The following STRIP2 variants were observed in gnomAD, a reference collection of about 807,000 sequenced individuals.
STRIP2 encodes striatin-interacting protein 2.
STRIP2 carries 84 observed loss-of-function variants against 107.1 expected under a neutral mutation model. That is an observed-to-expected ratio of 0.78 (90% CI 0.66 to 0.94). STRIP2 has a LOEUF of 0.94. Among genes scored for constraint, STRIP2 ranks in the 40% least tolerant of loss-of-function variants. The probability of loss-of-function intolerance (pLI) is 0.00; values close to 1 mark genes in which losing one functional copy is unlikely to be tolerated. For synonymous variants in STRIP2, 394 were observed against 400.4 expected (o/e 0.98, Z 0.19); for missense variants, 888 against 1,034.2 (o/e 0.86, Z 1.94).
chr7:129,439,639 A>G (rs1321843689), intron 1 of STRIP2, among the ~76,000 whole-genome samples: 1 of 152,204 alleles, frequency 6.6e-6, no homozygotes, highest in Non-Finnish European at 1.5e-5. Context: ...GGTTGATGAC[A>G]GAACTGAAGC....
chr7:129,467,654 T>A (rs1012304762), intron 17 of STRIP2, among the ~76,000 whole-genome samples: 3 of 152,186 alleles, frequency 2.0e-5, no homozygotes, highest in Non-Finnish European at 2.9e-5. Flanking sequence ...TTTTAATAGT[T>A]TTAAACACTG....
chr7:129,443,731 A>G (rs1469318096), intron 2 of STRIP2, among the ~76,000 whole-genome samples: 2 of 152,220 alleles, frequency 1.3e-5, no homozygotes, highest in Non-Finnish European at 2.9e-5. Flanking sequence ...AACAGGAGTG[A>G]TGAGATTAAG....
intron 18 of STRIP2, among the ~76,000 whole-genome samples, chr7:129,471,701 A>G (rs965028781): frequency 1.3e-5 from 2 of 152,268 alleles, no homozygotes; most frequent in African/African-American, 2.4e-5. Context: ...CCCTTATTTC[A>G]AAGATGAGAA....
At position 129,482,957 on chromosome 7, in the gene STRIP2, G is replaced by T. The variant is rs1425789181; in HGVS notation, c.2165G>T (p.Arg722Leu). ...LLKLQTKYLG[R>L]QWRKSNMKTM... ...AAGTTACAGACCAAGTACCTGGGGCGCCAATGGAGGAAAAGCAACATGAAA... is the reference window on the plus strand; with the variant it reads ...AAGTTACAGACCAAGTACCTGGGGCTCCAATGGAGGAAAAGCAACATGAAA... The change falls in exon 20 of 21, where the codon CGC (arginine) becomes CTC (leucine). Residue 722 changes from arginine (R) to leucine (L), a missense_variant. By Grantham distance (102) the Arg-to-Leu change is moderately radical. Coordinates refer to ENST00000249344, the MANE Select transcript of STRIP2 (RefSeq NM_020704.3). 1 of 1,614,126 alleles carries T rather than the reference G, an allele frequency of 6.2e-7. No individual in the cohort carries two copies. Among genetic ancestry groups the T allele is most frequent in the Non-Finnish European group, 8.5e-7 (1 of 1,180,028 alleles).
chr7:129,454,529 T>C lies in STRIP2; in HGVS notation c.706+2T>C, dbSNP rs748050935. The C allele has an allele frequency of 8.5e-5, 136 of 1,597,184 alleles. No individual in the cohort carries two copies. Among genetic ancestry groups the C allele is most frequent in the Non-Finnish European group, 1.1e-4 (124 of 1,164,670 alleles). ...GGGAGACCTTCCGCACTGAATTAAGTAAGAAATGGCACTTGAGGAAGGTGT... is the reference window on the plus strand; with the variant it reads ...GGGAGACCTTCCGCACTGAATTAAGCAAGAAATGGCACTTGAGGAAGGTGT... On this transcript the variant is annotated splice_donor_variant, in intron 7 of 20. Transcript: ENST00000249344. LOFTEE classifies it high-confidence loss of function.
In STRIP2 at chr7:129,455,344, C is replaced by T. The variant is rs1310071788; in HGVS notation, c.807C>T (p.Val269=). The T allele has an allele frequency of 6.2e-7, 1 of 1,613,736 alleles. No homozygotes were observed. Among genetic ancestry groups the T allele is most frequent in the South Asian group, 1.1e-5 (1 of 91,006 alleles). ...GLAPHFPIKK[V]LLLLWKVVMF... is the part of the protein sequence containing the mutation. ...CTCCTCACTTCCCCATAAAGAAGGT[C>T]CTGCTCCTGCTCTGGAAGGTGGTCA... Residue 269 remains valine, a synonymous_variant, in exon 8 of 21, where the codon GTC becomes GTT. Transcript: ENST00000249344.
rs1489868631 is a variant in STRIP2, at chr7:129,485,859, TAG to T, written c.*33_*34del. On this transcript the variant is annotated 3_prime_UTR_variant, in exon 21 of 21. Transcript: ENST00000249344. Reference sequence around the variant, plus strand: ...GTTCTTGTCAACAAGCATCAATAGATAGAGGTCAGCTCCAATAAACTGTGCTC... The same window carrying T: ...GTTCTTGTCAACAAGCATCAATAGATAGGTCAGCTCCAATAAACTGTGCTC... The T allele has an allele frequency of 6.8e-6, 11 of 1,611,518 alleles. No homozygotes were observed. In the Admixed American group the frequency reaches 1.8e-4, roughly 27 times the overall value.
chr7:129,453,165 G>A, intron 4 of STRIP2, 62 bp from the exon 5 acceptor site: 1 of 1,604,274 alleles, frequency 6.2e-7, no homozygotes, highest in Non-Finnish European at 8.5e-7. Flanking sequence ...TCATGGGGCA[G>A]GGTGGAAAGA....
In STRIP2 at chr7:129,470,646, C is replaced by T. The variant is rs758000120; in HGVS notation, c.1878-3C>T. On this transcript the variant is annotated splice_polypyrimidine_tract_variant and splice_region_variant and intron_variant, in intron 17 of 20. Transcript: ENST00000249344. ...AGCCTGTCCTTATCTCTGCATCTTA[C>T]AGCATCTCAGTCCTGGATTATCCTT... is the stretch of plus-strand genomic sequence containing the variant. 2 of 1,613,330 alleles carry T rather than the reference C, an allele frequency of 1.2e-6. No homozygotes were observed. The highest frequency in any genetic ancestry group is 1.7e-5 in the Admixed American group (1 of 60,002).
intron 18 of STRIP2, among the ~76,000 whole-genome samples, chr7:129,479,498 T>C (rs1314143945): frequency 2.7e-5 from 4 of 150,550 alleles, no homozygotes; most frequent in African/African-American, 9.7e-5. Context: ...TTTCTTTTTT[T>C]TTTTTTTTGA....
At position 129,461,296 on chromosome 7, in the gene STRIP2, A is replaced by G. The variant is rs563446540; in HGVS notation, c.1476+924A>G. Reference sequence around the variant, plus strand: ...CTGCAGGCAATTGGAAATAAAGTCTAGAATTCTACAGAGAGGGCTGACTTT... The same window carrying G: ...CTGCAGGCAATTGGAAATAAAGTCTGGAATTCTACAGAGAGGGCTGACTTT... On this transcript the variant is annotated intron_variant, in intron 13 of 20. Transcript: ENST00000249344. The surrounding 1 kb of genome is among the most constrained non-coding windows in gnomAD (Gnocchi z 4.0). Among the ~76,000 whole-genome samples, 3 of 152,366 alleles carry G rather than the reference A, an allele frequency of 2.0e-5. No homozygotes were observed. Among genetic ancestry groups the G allele is most frequent in the African/African-American group, 7.2e-5 (3 of 41,588 alleles).
chr7:129,480,912 TGGA>T (rs1799100924), intron 19 of STRIP2, 23 bp downstream of exon 19: 8 of 1,574,826 alleles, frequency 5.1e-6, no homozygotes, highest in Non-Finnish European at 6.9e-6. Context: ...TTTTACATCA[TGGA>T]GTTGTCCATC....
At chr7:129,466,671 C>A (rs1798677634) in intron 16 of STRIP2, among the ~76,000 whole-genome samples, 1 of 152,148 alleles carries the variant, frequency 6.6e-6, no homozygotes, top group Non-Finnish European at 1.5e-5. Flanking sequence ...TTTGGGAGAG[C>A]AGAATGGAGT....
chr7:129,480,195 T>C (rs1418196321), intron 18 of STRIP2, among the ~76,000 whole-genome samples: 1 of 152,220 alleles, frequency 6.6e-6, no homozygotes, highest in Non-Finnish European at 1.5e-5. Context: ...CCATCTGTTG[T>C]CTCTGGTTAG....
At chr7:129,471,287 C>T (rs1274143507) in intron 18 of STRIP2, among the ~76,000 whole-genome samples, 2 of 152,116 alleles carry the variant, frequency 1.3e-5, no homozygotes, top group Admixed American at 1.3e-4. Flanking sequence ...GACTGAACAA[C>T]AGCCATACTG....
At chr7:129,468,378 AC>A (rs1447848192) in intron 17 of STRIP2, among the ~76,000 whole-genome samples, 3 of 152,184 alleles carry the variant, frequency 2.0e-5, no homozygotes, top group Non-Finnish European at 4.4e-5. Context: ...AAGTCATGAG[AC>A]CTGGATTCGT....
In STRIP2 at chr7:129,483,337, TTTAAA is replaced by T; in HGVS notation, c.2254+297_2254+301del. On this transcript the variant is annotated intron_variant, in intron 20 of 20. Transcript: ENST00000249344. The surrounding 1 kb of genome is among the most constrained non-coding windows in gnomAD (Gnocchi z 5.1). ...TTAAATGACAGCTTTCTCCAAAAGA[TTTAAA>T]TTAAAACAACTTTTTATTATTACAA... The T allele has an allele frequency of 1.4e-5, 16 of 1,123,754 alleles. No homozygotes were observed. Among genetic ancestry groups the T allele is most frequent in the Non-Finnish European group, 1.8e-5 (16 of 906,276 alleles). The allele number at this position is 1,123,754 out of a possible 1,614,324, so 69.6% of individuals were successfully genotyped here.
At chr7:129,472,475 A>G (rs1488648302) in intron 18 of STRIP2, among the ~76,000 whole-genome samples, 1 of 152,204 alleles carries the variant, frequency 6.6e-6, no homozygotes, top group East Asian at 1.9e-4. Flanking sequence ...CCTGAAAAAT[A>G]GTCATGCTAA....
Position 129,483,323 on chromosome 7 carries a change from C to T in STRIP2, c.2254+277C>T, listed in dbSNP as rs1799174219. On this transcript the variant is annotated intron_variant, in intron 20 of 20. Transcript: ENST00000249344. The surrounding 1 kb of genome is among the most constrained non-coding windows in gnomAD (Gnocchi z 5.1). Reference sequence around the variant, plus strand: ...TCCAAAACATTCTTTTAAATGACAGCTTTCTCCAAAAGATTTAAATTAAAA... The same window carrying T: ...TCCAAAACATTCTTTTAAATGACAGTTTTCTCCAAAAGATTTAAATTAAAA... 1.7e-6 allele frequency: 2 copies of T among 1,160,536 alleles called. No individual in the cohort carries two copies. Among genetic ancestry groups the T allele is most frequent in the East Asian group, 7.3e-5 (2 of 27,450 alleles). 71.9% of individuals were successfully genotyped at this position (1,160,536 alleles called of 1,614,324 possible).
Sources: gnomAD v4.1 joint callset for allele counts (sites outside exome capture counted in the v4.1 genomes callset) on GRCh38, gnomAD v4.1.1 for gene constraint, Gnocchi (gnomAD v3.1) non-coding constraint, MANE v1.5 for transcripts, NCBI Gene and HGNC (gene_info 2026-07-23, HGNC 2026-07-21) for gene names.